Variants in CLASP2 observed in about 807,000 individuals in gnomAD.
CLASP2 encodes the protein CLIP-associating protein 2.
In CLASP2, 47 loss-of-function variants were observed where a neutral mutation model predicts 194.4. The observed-to-expected ratio is 0.24, with a 90% CI of 0.19 to 0.31. CLASP2 has a LOEUF of 0.31. CLASP2 is among the 10% of genes least tolerant of loss of function. The pLI is 1.00. For synonymous variants in CLASP2, 619 were observed against 633.5 expected, an observed-to-expected ratio of 0.98 and a Z score of 0.34; for missense variants, 1,445 against 1,823.6, an observed-to-expected ratio of 0.79 and a Z score of 3.78.
intron 29 of CLASP2, among the ~76,000 whole-genome samples, chr3:33,553,615 T>C (rs1465691420): frequency 6.6e-6 from 1 of 152,212 alleles, no homozygotes; most frequent in East Asian, 1.9e-4. Flanking sequence ...TCAATATCAG[T>C]ATTCATCAGG....
intron 36 of CLASP2, 69 bp downstream of exon 36, chr3:33,515,954 T>C: frequency 6.9e-7 from 1 of 1,458,522 alleles, no homozygotes; most frequent in Non-Finnish European, 9.3e-7. Context: ...AAGGCTACAT[T>C]TTACACAATG....
intron 12 of CLASP2, among the ~76,000 whole-genome samples, chr3:33,615,833 A>G (rs1176467447): frequency 2.0e-5 from 3 of 152,124 alleles, no homozygotes; most frequent in Non-Finnish European, 2.9e-5. Flanking sequence ...GAAAATGAAA[A>G]TATTATTATG....
intron 2 of CLASP2, among the ~76,000 whole-genome samples, chr3:33,696,503 T>C (rs2091931190): frequency 6.6e-6 from 1 of 150,678 alleles, no homozygotes; most frequent in Non-Finnish European, 1.5e-5. Flanking sequence ...TCTTGCTCTG[T>C]CACCCAGGCT....
At chr3:33,589,845 A>G (rs1305023432) in intron 21 of CLASP2, among the ~76,000 whole-genome samples, 1 of 152,160 alleles carries the variant, frequency 6.6e-6, no homozygotes, top group Non-Finnish European at 1.5e-5. Context: ...TTGCCCTAAG[A>G]TCAGCCTCAG....
intron 16 of CLASP2, 132 bp downstream of exon 16, chr3:33,606,459 A>G (rs2073872708): frequency 4.9e-6 from 3 of 614,472 alleles, no homozygotes; most frequent in Admixed American, 3.3e-5. Flanking sequence ...ACCAAAATAA[A>G]TAAGTGTATT....
Position 33,536,488 on chromosome 3 carries a change from C to T in CLASP2, c.3559-1027G>A, listed in dbSNP as rs532892597. Among the ~76,000 whole-genome samples the T allele has an allele frequency of 8.5e-5, 13 of 152,170 alleles. No individual in the cohort carries two copies. In the South Asian group the frequency reaches 2.1e-3, roughly 24 times the overall value. Reference sequence around the variant, plus strand: ...CAATACACAGATCCTGAAGCAGGAACGTGCATAGTAAGTTCAAGGAATAGC... The same window carrying T: ...CAATACACAGATCCTGAAGCAGGAATGTGCATAGTAAGTTCAAGGAATAGC... On this transcript the variant is annotated intron_variant, in intron 33 of 38. Coordinates refer to ENST00000682230, the MANE Select transcript of CLASP2 (RefSeq NM_001365631.1).
At chr3:33,551,210 T>C in intron 30 of CLASP2, 42 bp downstream of exon 30, 1 of 1,559,048 alleles carries the variant, frequency 6.4e-7, no homozygotes, top group Admixed American at 1.8e-5. Flanking sequence ...ATAACTGACT[T>C]GCTTTCCCAA....
intron 7 of CLASP2, among the ~76,000 whole-genome samples, chr3:33,661,710 A>G (rs2085335073): frequency 6.6e-6 from 1 of 152,196 alleles, no homozygotes; most frequent in Non-Finnish European, 1.5e-5. Context: ...CCACAGGCTA[A>G]CAAGTCTAGA....
chr3:33,641,050 AATGAC>A (rs2081185949), intron 8 of CLASP2, among the ~76,000 whole-genome samples: 1 of 151,986 alleles, frequency 6.6e-6, no homozygotes, highest in Non-Finnish European at 1.5e-5. Context: ...TTATTAGATA[AATGAC>A]CCTGGCAGGT....
chr3:33,514,621 CT>C, intron 36 of CLASP2: 1 of 273,600 alleles, frequency 3.7e-6, no homozygotes, highest in Non-Finnish European at 7.7e-6. Context: ...AAATACAGTC[CT>C]TACAGAACTA....
intron 13 of CLASP2, 95 bp from the exon 14 acceptor site, chr3:33,608,721 G>T: frequency 1.1e-5 from 4 of 356,584 alleles, no homozygotes; most frequent in Non-Finnish European, 1.6e-5. Context: ...CTAAATTAAA[G>T]CATAAGACAT....
intron 34 of CLASP2, among the ~76,000 whole-genome samples, chr3:33,532,000 T>C (rs2056428665): frequency 1.3e-5 from 2 of 152,138 alleles, no homozygotes; most frequent in South Asian, 4.1e-4. Context: ...TACCATATGA[T>C]CCAGCAATTC....
chr3:33,716,355 G>C (rs1260242512), intron 1 of CLASP2, among the ~76,000 whole-genome samples: 1 of 152,208 alleles, frequency 6.6e-6, no homozygotes, highest in Non-Finnish European at 1.5e-5. Context: ...GTAGGGCTTA[G>C]AGGCATAACA....
chr3:33,601,464 G>A (rs2072193819), intron 18 of CLASP2, among the ~76,000 whole-genome samples: 1 of 152,108 alleles, frequency 6.6e-6, no homozygotes, highest in Non-Finnish European at 1.5e-5. Flanking sequence ...GTTTTTAACA[G>A]ACTTGAAAAA....
chr3:33,500,893 T>A (rs1435273455), intron 38 of CLASP2, among the ~76,000 whole-genome samples: 3 of 152,338 alleles, frequency 2.0e-5, no homozygotes, highest in African/African-American at 7.2e-5. Context: ...AACAAACTTC[T>A]AATTCAAAAC....
At chr3:33,511,489 G>A (rs1448584823) in intron 36 of CLASP2, among the ~76,000 whole-genome samples, 2 of 152,078 alleles carry the variant, frequency 1.3e-5, no homozygotes, top group African/African-American at 4.8e-5. Flanking sequence ...GAGTCCTTGA[G>A]CCCTCTGTAT....
intron 7 of CLASP2, among the ~76,000 whole-genome samples, chr3:33,647,230 A>T (rs2082421125): frequency 6.6e-6 from 1 of 152,066 alleles, no homozygotes; most frequent in South Asian, 2.1e-4. Flanking sequence ...ATAACTATAT[A>T]TAATTAGATT....
At chr3:33,709,553 T>A (rs1030288731) in intron 1 of CLASP2, among the ~76,000 whole-genome samples, 1 of 152,132 alleles carries the variant, frequency 6.6e-6, no homozygotes, top group Admixed American at 6.6e-5. Context: ...GATGAAGAGA[T>A]GTGACGACGT....
At position 33,573,094 on chromosome 3, in the gene CLASP2, A is replaced by G; in HGVS notation, c.2699+16T>C. The G allele has an allele frequency of 6.2e-7, 1 of 1,612,600 alleles. No individual in the cohort carries two copies. On this transcript the variant is annotated intron_variant, in intron 25 of 38. Coordinates refer to ENST00000682230, the MANE Select transcript of CLASP2 (RefSeq NM_001365631.1). ...CTAACCTGATAGTAAAATCATTTTAAGACAACGCATCTCACCTTAGTGTTC... is the reference window on the plus strand; with the variant it reads ...CTAACCTGATAGTAAAATCATTTTAGGACAACGCATCTCACCTTAGTGTTC...
Sources: allele counts gnomAD v4.1 joint callset (sites outside exome capture counted in the v4.1 genomes callset), GRCh38; gene constraint gnomAD v4.1.1; transcripts MANE v1.5; gene names NCBI Gene and HGNC (gene_info 2026-07-23, HGNC 2026-07-21).